The following ANKRD44 variants were observed in gnomAD, a reference collection of about 807,000 sequenced individuals.
ANKRD44 encodes the protein serine/threonine-protein phosphatase 6 regulatory ankyrin repeat subunit B.
Under a neutral mutation model 116.0 loss-of-function variants are expected in ANKRD44, and 35 were observed. The observed-to-expected ratio is 0.30, with a 90% CI of 0.23 to 0.40. The LOEUF (loss-of-function observed/expected upper bound fraction) is 0.40, where lower values mean the gene tolerates loss of function less well. Ranked by LOEUF, ANKRD44 falls within the 10% of genes least tolerant of loss-of-function variation. The probability of loss-of-function intolerance (pLI) is 1.00; values close to 1 mark genes in which losing one functional copy is unlikely to be tolerated. For missense variants in ANKRD44, 1,014 were observed against 1,242.6 expected (o/e 0.82, Z 2.77); for synonymous variants, 435 against 461.8 (o/e 0.94, Z 0.74).
intron 2 of ANKRD44, among the ~76,000 whole-genome samples, chr2:197,155,496 G>A (rs777345332): frequency 1.3e-4 from 20 of 152,210 alleles, no homozygotes; most frequent in Non-Finnish European, 1.3e-4. Context: ...AATAAAATTG[G>A]AGAACTAACA....
chr2:197,164,453 G>A (rs1449589606), intron 2 of ANKRD44, among the ~76,000 whole-genome samples: 1 of 152,208 alleles, frequency 6.6e-6, no homozygotes, highest in Non-Finnish European at 1.5e-5. Flanking sequence ...ACACTGTGGG[G>A]TCGGGCAGGT....
In ANKRD44 at chr2:197,310,600, G is replaced by A; in HGVS notation, c.5C>T (p.Ala2Val). The change falls in exon 1 of 28, where the codon GCA (alanine) becomes GTA (valine). Residue 2 changes from alanine (A) to valine (V), a missense_variant. Ala to Val is a moderately conservative substitution (Grantham distance 64). Transcript: ENST00000282272. The part of the protein sequence containing the change: M[A>V]VLKLTDQPPL... ...TACCTGGTCGGTGAGTTTGAGCACT[G>A]CCATTCTTCCGCTCCTTCGCGCGCA... 1 of 1,323,696 alleles carries A rather than the reference G, an allele frequency of 7.6e-7. No homozygotes were observed. The highest frequency in any genetic ancestry group is 9.9e-7 in the Non-Finnish European group (1 of 1,012,314). The allele number at this position is 1,323,696 out of a possible 1,614,324, so 82.0% of individuals were successfully genotyped here. A position where few individuals can be genotyped will look rare whatever the true frequency, so the allele number is the denominator to read the frequency against.
intron 25 of ANKRD44, among the ~76,000 whole-genome samples, chr2:196,996,217 T>C (rs146364746): frequency 1.3e-5 from 2 of 152,346 alleles, no homozygotes; most frequent in East Asian, 1.9e-4. Flanking sequence ...TATCAGAATC[T>C]GTTTTTTTCA....
intron 2 of ANKRD44, among the ~76,000 whole-genome samples, chr2:197,165,923 T>G (rs1186942720): frequency 6.6e-6 from 1 of 152,198 alleles, no homozygotes; most frequent in African/African-American, 2.4e-5. Context: ...ACAATGAACA[T>G]AGAGATTCCA....
intron 6 of ANKRD44, among the ~76,000 whole-genome samples, chr2:197,125,143 G>A (rs1020374514): frequency 8.5e-5 from 13 of 152,228 alleles, no homozygotes; most frequent in African/African-American, 3.1e-4. Flanking sequence ...CACATTCAAA[G>A]AGGCCCAAGC....
chr2:197,003,729 G>A (rs73066849), intron 21 of ANKRD44, among the ~76,000 whole-genome samples: 6,782 of 152,060 alleles, frequency 0.045, 459 homozygotes, highest in African/African-American at 0.15. Context: ...TTTGCGGCCC[G>A]CCATTATAAT....
At chr2:197,180,957 G>A (rs2080488289) in intron 2 of ANKRD44, among the ~76,000 whole-genome samples, 1 of 12,772 alleles carries the variant, frequency 7.8e-5, no homozygotes, top group Non-Finnish European at 2.1e-4. Context: ...ATCATATAGT[G>A]TCTATTTTTT....
At chr2:197,103,346 A>G (rs2125240869) in intron 9 of ANKRD44, among the ~76,000 whole-genome samples, 1 of 151,970 alleles carries the variant, frequency 6.6e-6, no homozygotes, top group South Asian at 2.1e-4. Context: ...CATGTTTTCT[A>G]TACGTGAAAG....
intron 1 of ANKRD44, among the ~76,000 whole-genome samples, chr2:197,296,811 C>A (rs375219703): frequency 4.6e-4 from 70 of 152,212 alleles, no homozygotes; most frequent in African/African-American, 1.3e-3. Context: ...AGGGAAAAAA[C>A]CCCAAATTAA....
intron 1 of ANKRD44, among the ~76,000 whole-genome samples, chr2:197,258,735 A>T (rs1470968923): frequency 4.6e-5 from 7 of 152,192 alleles, no homozygotes; most frequent in Non-Finnish European, 7.3e-5. Flanking sequence ...ATTTCCCCAC[A>T]TCCTCACCAA....
chr2:197,152,872 C>A (rs1461236831), intron 2 of ANKRD44, among the ~76,000 whole-genome samples: 1 of 152,050 alleles, frequency 6.6e-6, no homozygotes, highest in African/African-American at 2.4e-5. Flanking sequence ...ATCTTACATA[C>A]CAAGACAGAA....
chr2:197,049,433 G>A (rs2077063773), intron 16 of ANKRD44, among the ~76,000 whole-genome samples: 1 of 152,078 alleles, frequency 6.6e-6, no homozygotes, highest in African/African-American at 2.4e-5. Context: ...AGGGTAACTG[G>A]AGACTTCTGA....
intron 16 of ANKRD44, chr2:197,029,559 GC>G: frequency 2.1e-6 from 1 of 476,196 alleles, no homozygotes; most frequent in Non-Finnish European, 4.2e-6. Context: ...CATCCCACAT[GC>G]CCACCAAGAG....
At chr2:197,214,559 T>C (rs1374103079) in intron 1 of ANKRD44, among the ~76,000 whole-genome samples, 1 of 152,200 alleles carries the variant, frequency 6.6e-6, no homozygotes, top group African/African-American at 2.4e-5. Context: ...TCTTAGTGAT[T>C]AGATTACAAG....
intron 1 of ANKRD44, among the ~76,000 whole-genome samples, chr2:197,227,257 C>T (rs569896172): frequency 1.3e-5 from 2 of 152,342 alleles, no homozygotes; most frequent in Admixed American, 6.5e-5. Flanking sequence ...AAAGAAATGG[C>T]TTCAGGGCAA....
intron 2 of ANKRD44, among the ~76,000 whole-genome samples, chr2:197,163,915 T>A (rs1288140634): frequency 6.6e-6 from 1 of 152,114 alleles, no homozygotes; most frequent in African/African-American, 2.4e-5. Context: ...GGCATGAAGC[T>A]CCGCGCCCGG....
At chr2:197,226,025 C>T (rs2081703880) in intron 1 of ANKRD44, among the ~76,000 whole-genome samples, 1 of 152,162 alleles carries the variant, frequency 6.6e-6, no homozygotes, top group Non-Finnish European at 1.5e-5. Flanking sequence ...ATGGCTTTCC[C>T]TGGAGAATTA....
At chr2:197,148,719 T>A (rs938369157) in intron 2 of ANKRD44, among the ~76,000 whole-genome samples, 15 of 152,094 alleles carry the variant, frequency 9.9e-5, no homozygotes, top group African/African-American at 3.4e-4. Context: ...GGTAAGTAGG[T>A]TTTATAAAGA....
At chr2:197,122,578 G>A in intron 7 of ANKRD44, 72 bp downstream of exon 7, 1 of 1,538,192 alleles carries the variant, frequency 6.5e-7, no homozygotes, top group Non-Finnish European at 8.8e-7. Context: ...AGTGCAAACA[G>A]GATTTAACTT....
Sources: gnomAD v4.1 joint callset for allele counts (sites outside exome capture counted in the v4.1 genomes callset) on GRCh38, gnomAD v4.1.1 for gene constraint, MANE v1.5 for transcripts, NCBI Gene and HGNC (gene_info 2026-07-23, HGNC 2026-07-21) for gene names.